The following H2BC4 variants were observed in gnomAD, a reference collection of about 807,000 sequenced individuals.
H2BC4 encodes H2B clustered histone 4, also known as histone H2B type 1-C/E/F/G/I.
In H2BC4, 10 loss-of-function variants were observed where a neutral mutation model predicts 6.2. The observed-to-expected ratio is 1.61, with a 90% CI of 0.99 to 2.73. The LOEUF (loss-of-function observed/expected upper bound fraction) is 2.73. H2BC4 is among the 30% of genes most tolerant of loss of function. The pLI is 0.00. For synonymous variants in H2BC4, 146 were observed against 70.7 expected (o/e 2.07, Z -5.35); for missense variants, 176 against 168.7 (o/e 1.04, Z -0.24).
At chr6:26,123,422 C>A (rs537609928), downstream of H2BC4, 25 of 1,551,112 alleles carry the variant, frequency 1.6e-5, no homozygotes, top group Non-Finnish European at 2.2e-5. Flanking sequence ...CCCTCCGCCG[C>A]CAAATAAAAT....
downstream of H2BC4, among the ~76,000 whole-genome samples, chr6:26,122,053 C>CAAAAAAAAAAAAAAAAATAAAAAA (rs1763504087): frequency 8.0e-6 from 1 of 124,224 alleles, no homozygotes; most frequent in African/African-American, 3.1e-5. Context: ...AACTTCGTCT[C>CAAAAAAAAAAAAAAAAATAAAAAA]AAAAAAAAAA....
At chr6:26,118,501 A>G (rs543659170), downstream of H2BC4, among the ~76,000 whole-genome samples, 137 of 152,342 alleles carry the variant, frequency 9.0e-4, 3 homozygotes, top group South Asian at 0.022. Flanking sequence ...TAGCATGCCA[A>G]TATCTTAGTA....
intron 1 of H2BC4, among the ~76,000 whole-genome samples, chr6:26,118,041 G>A (rs910879284): frequency 1.3e-5 from 2 of 152,150 alleles, no homozygotes; most frequent in East Asian, 1.9e-4. Context: ...ATGTCTTCAC[G>A]ATTTCTGGCA....
downstream of H2BC4, among the ~76,000 whole-genome samples, chr6:26,122,337 T>C (rs1186574271): frequency 6.6e-6 from 1 of 152,256 alleles, no homozygotes; most frequent in Non-Finnish European, 1.5e-5. Context: ...ACTAATTTTA[T>C]TTATTGTATA....
chr6:26,117,682 T>A (rs549605129), intron 1 of H2BC4, among the ~76,000 whole-genome samples: 1 of 152,316 alleles, frequency 6.6e-6, no homozygotes, highest in Non-Finnish European at 1.5e-5. Context: ...CTGAAAGACA[T>A]TTAATTTTTG....
In H2BC4 at chr6:26,123,747, G is replaced by A. The variant is rs2113800079; in HGVS notation, c.158C>T (p.Thr53Ile). 1 of 1,614,294 alleles carries A rather than the reference G, an allele frequency of 6.2e-7. No homozygotes were observed. Among genetic ancestry groups the A allele is most frequent in the Non-Finnish European group, 8.5e-7 (1 of 1,180,056 alleles). The part of the protein sequence containing the change: ...YKVLKQVHPD[T>I]GISSKAMGIM... ...GCCCATGGCCTTGGAAGAGATGCCA[G>A]TGTCGGGATGGACCTGTTTCAGCAC... The change falls in exon 1 of 1, where the codon ACT becomes ATT. Residue 53 changes from threonine to isoleucine, a missense_variant. Transcript: ENST00000396984.
At chr6:26,113,652 T>G (rs927506169), downstream of H2BC4, among the ~76,000 whole-genome samples, 5 of 152,202 alleles carry the variant, frequency 3.3e-5, no homozygotes, top group Non-Finnish European at 7.3e-5. Flanking sequence ...CTGTCTTTGT[T>G]GGCTTGGGCT....
Position 26,123,470 on chromosome 6 carries a change from G to C in H2BC4, c.*54C>G. The C allele has an allele frequency of 1.2e-6, 2 of 1,609,090 alleles. No individual in the cohort carries two copies. Among genetic ancestry groups the C allele is most frequent in the Non-Finnish European group, 1.7e-6 (2 of 1,177,926 alleles). On this transcript the variant is annotated 3_prime_UTR_variant, in exon 1 of 1. Coordinates refer to ENST00000396984, the MANE Select transcript of H2BC4 (RefSeq NM_003526.3). ...CACAGCTCTTTTAGTGGGTATCTGGGTGGCTCTTAAAAGAGCCTTTGGGGT... is the reference window on the plus strand; with the variant it reads ...CACAGCTCTTTTAGTGGGTATCTGGCTGGCTCTTAAAAGAGCCTTTGGGGT...
At chr6:26,114,526 A>G (rs931647593), downstream of H2BC4, among the ~76,000 whole-genome samples, 8 of 152,136 alleles carry the variant, frequency 5.3e-5, no homozygotes, top group African/African-American at 1.9e-4. Flanking sequence ...CAATTTGGCA[A>G]TGTATATGTT....
At chr6:26,122,284 C>T (rs777442605), downstream of H2BC4, among the ~76,000 whole-genome samples, 1 of 152,012 alleles carries the variant, frequency 6.6e-6, no homozygotes, top group African/African-American at 2.4e-5. Flanking sequence ...ATAACTGTAA[C>T]CTAAATTACA....
downstream of H2BC4, among the ~76,000 whole-genome samples, chr6:26,120,772 TTC>T (rs1763487282): frequency 6.6e-6 from 1 of 152,226 alleles, no homozygotes; most frequent in Non-Finnish European, 1.5e-5. Context: ...ACTCTTTTTT[TTC>T]CCTGACTCAA....
chr6:26,119,635 C>G (rs539079415), downstream of H2BC4, among the ~76,000 whole-genome samples: 105 of 151,994 alleles, frequency 6.9e-4, no homozygotes, highest in African/African-American at 2.5e-3. Flanking sequence ...ACTCATGTAA[C>G]CAGTACAACT....
At chr6:26,117,325 A>G (rs1044550898) in intron 1 of H2BC4, among the ~76,000 whole-genome samples, 30 of 152,222 alleles carry the variant, frequency 2.0e-4, no homozygotes, top group African/African-American at 6.8e-4. Context: ...AGTGGTTTAT[A>G]TGCATTAAGG....
At chr6:26,121,823 C>T (rs953008341), downstream of H2BC4, among the ~76,000 whole-genome samples, 8 of 151,382 alleles carry the variant, frequency 5.3e-5, no homozygotes, top group Non-Finnish European at 8.8e-5. Context: ...GAGGCCAAGG[C>T]GGGCAGATCA....
downstream of H2BC4, among the ~76,000 whole-genome samples, chr6:26,114,057 G>C (rs1483543254): frequency 1.3e-5 from 2 of 151,958 alleles, no homozygotes; most frequent in Non-Finnish European, 2.9e-5. Context: ...TATGAATTTG[G>C]GGGGATGGGG....
At position 26,123,870 on chromosome 6, in the gene H2BC4, T is replaced by A. The variant is rs1763561861; in HGVS notation, c.35A>T (p.Lys12Met). 1 of 1,614,198 alleles carries A rather than the reference T, an allele frequency of 6.2e-7. No individual in the cohort carries two copies. The highest frequency in any genetic ancestry group is 2.2e-5 in the East Asian group (1 of 44,870). The change falls in exon 1 of 1, where the codon AAG becomes ATG. Residue 12 changes from lysine to methionine, a missense_variant. Transcript: ENST00000396984. The stretch of plus-strand genomic sequence containing the variant: ...GGTCACTGCCTTCTTGGAGCCCTTC[T>A]TCGGGGCGGGAGCAGACTTGGCTGG... ...PEPAKSAPAP[K>M]KGSKKAVTKA...
At chr6:26,117,654 G>A (rs1233530840) in intron 1 of H2BC4, among the ~76,000 whole-genome samples, 1 of 152,160 alleles carries the variant, frequency 6.6e-6, no homozygotes, top group Non-Finnish European at 1.5e-5. Flanking sequence ...CAGGGTAGTT[G>A]AGTTTGTCAA....
downstream of H2BC4, among the ~76,000 whole-genome samples, chr6:26,121,207 A>C (rs879695723): frequency 2.2e-4 from 34 of 152,268 alleles, no homozygotes; most frequent in Middle Eastern, 3.4e-3. Flanking sequence ...AAAACACCCC[A>C]AAAAAAGGTT....
chr6:26,116,160 G>T (rs1763416578), intron 1 of H2BC4, among the ~76,000 whole-genome samples: 2 of 152,102 alleles, frequency 1.3e-5, no homozygotes, highest in African/African-American at 4.8e-5. Flanking sequence ...ACCACAGGTA[G>T]CCTCCTCTAC....
Sources: allele counts gnomAD v4.1 joint callset (sites outside exome capture counted in the v4.1 genomes callset), GRCh38; gene constraint gnomAD v4.1.1; transcripts MANE v1.5; gene names NCBI Gene and HGNC (gene_info 2026-07-23, HGNC 2026-07-21).